CAMTA1: variants seen among roughly 807,000 people sequenced by gnomAD.
CAMTA1 encodes the protein calmodulin binding transcription activator 1, also known as calmodulin-binding transcription activator 1.
In CAMTA1, 27 loss-of-function variants were observed where a neutral mutation model predicts 170.9. The ratio of observed to expected loss-of-function variants is 0.16; its 90% confidence interval spans 0.12 to 0.22. The LOEUF (loss-of-function observed/expected upper bound fraction) is 0.22, where lower values mean the gene tolerates loss of function less well. Among genes scored for constraint, CAMTA1 ranks in the 10% least tolerant of loss-of-function variants. The pLI is 1.00. For missense variants in CAMTA1, 1,619 were observed against 2,217.2 expected, an observed-to-expected ratio of 0.73 and a Z score of 5.42; for synonymous variants, 833 against 891.5, an observed-to-expected ratio of 0.93 and a Z score of 1.17.
At chr1:7,257,082 C>T (rs61780030) in intron 5 of CAMTA1, among the ~76,000 whole-genome samples, 7 of 137,388 alleles carry the variant, frequency 5.1e-5, no homozygotes, top group East Asian at 2.1e-4. Context: ...ATGGCGGGGG[C>T]GGGGGTTGGT....
chr1:7,151,987 T>A (rs1306350531), intron 4 of CAMTA1, among the ~76,000 whole-genome samples: 1 of 152,198 alleles, frequency 6.6e-6, no homozygotes, highest in African/African-American at 2.4e-5. Context: ...ACTTTAAAAG[T>A]CCTGCTTCAT....
chr1:7,267,149 G>A (rs984142193), intron 5 of CAMTA1, among the ~76,000 whole-genome samples: 3 of 152,150 alleles, frequency 2.0e-5, no homozygotes, highest in Non-Finnish European at 4.4e-5. Context: ...AATGTTCTCC[G>A]AGGTTCCTTC....
At chr1:7,291,571 G>A (rs1209600043) in intron 5 of CAMTA1, among the ~76,000 whole-genome samples, 2 of 152,250 alleles carry the variant, frequency 1.3e-5, no homozygotes, top group African/African-American at 4.8e-5. Flanking sequence ...TGAATTAAGC[G>A]CTGCTGGGAG....
At chr1:7,357,221 G>A (rs1365011073) in intron 5 of CAMTA1, among the ~76,000 whole-genome samples, 2 of 152,286 alleles carry the variant, frequency 1.3e-5, no homozygotes, top group Admixed American at 6.5e-5. Flanking sequence ...GGGATGCCCC[G>A]CCCTCCCATT....
In CAMTA1 at chr1:7,207,564, G is replaced by A. The variant is rs147670337; in HGVS notation, c.303-41927G>A. The stretch of plus-strand genomic sequence containing the variant: ...AACTGAAAATTGACCTTGGAGCCCT[G>A]TCCCACCTCTAATGGGTGGATCTAG... On this transcript the variant is annotated intron_variant, in intron 4 of 22. Transcript: ENST00000303635. 3.9e-5 allele frequency among the ~76,000 whole-genome samples: 6 copies of A among 152,252 alleles called. No individual in the cohort carries two copies. The East Asian group carries it at 1.2e-3, about 29-fold the overall frequency.
chr1:6,834,250 AT>A (rs1289173092), intron 3 of CAMTA1: 1 of 147,030 alleles, frequency 6.8e-6, no homozygotes, highest in African/African-American at 2.5e-5. Context: ...TTAAAAATTT[AT>A]TTTTTAATTT....
chr1:7,542,838 A>AGTTTGTGTGTGTGTGTGTGT (rs745940570), intron 6 of CAMTA1, among the ~76,000 whole-genome samples: 1 of 56,002 alleles, frequency 1.8e-5, no homozygotes, highest in East Asian at 3.1e-4. Context: ...CCTAAAACAC[A>AGTTTGTGTGTGTGTGTGTGT]GTGTGTGTGT....
intron 5 of CAMTA1, among the ~76,000 whole-genome samples, chr1:7,339,076 G>A (rs372431456): frequency 2.0e-5 from 3 of 152,090 alleles, no homozygotes; most frequent in African/African-American, 4.8e-5. Context: ...GGGGAACTCC[G>A]CCCCCTCCCA....
At chr1:6,836,178 G>A (rs1305363153) in intron 3 of CAMTA1, among the ~76,000 whole-genome samples, 2 of 152,144 alleles carry the variant, frequency 1.3e-5, no homozygotes, top group East Asian at 3.8e-4. Flanking sequence ...AAGTTATTTT[G>A]AAGGTTTTAA....
At chr1:7,470,296 A>G (rs1177465825) in intron 6 of CAMTA1, among the ~76,000 whole-genome samples, 1 of 152,266 alleles carries the variant, frequency 6.6e-6, no homozygotes, top group East Asian at 1.9e-4. Context: ...CTCGGAGCCC[A>G]GAGCCTATGT....
chr1:7,438,209 G>C (rs1034721463), intron 5 of CAMTA1, among the ~76,000 whole-genome samples: 2 of 152,176 alleles, frequency 1.3e-5, no homozygotes, highest in Non-Finnish European at 2.9e-5. Context: ...AGGCAGCTGG[G>C]CAGGGCCTGG....
chr1:7,020,392 G>A (rs778113178), intron 3 of CAMTA1, among the ~76,000 whole-genome samples: 1 of 152,224 alleles, frequency 6.6e-6, no homozygotes, highest in Non-Finnish European at 1.5e-5. Flanking sequence ...TAGCCCAGGA[G>A]CCATAGGCTG....
rs957147489 is a variant in CAMTA1, at chr1:7,435,785, A to T, written c.439-32045A>T. ...TGAAGTCAGGGCAATCCACGCAGAGAGCCCTCCTCATGGCCCGGCTCAGGG... is the reference window on the plus strand; with the variant it reads ...TGAAGTCAGGGCAATCCACGCAGAGTGCCCTCCTCATGGCCCGGCTCAGGG... On this transcript the variant is annotated intron_variant, in intron 5 of 22. Coordinates refer to ENST00000303635, the MANE Select transcript of CAMTA1 (RefSeq NM_015215.4). The surrounding 1 kb of genome is among the most constrained non-coding windows in gnomAD (Gnocchi z 4.4). 6.6e-6 allele frequency among the ~76,000 whole-genome samples: 1 copy of T among 152,128 alleles called. No homozygotes were observed. The highest frequency in any genetic ancestry group is 1.5e-5 in the Non-Finnish European group (1 of 68,014).
chr1:7,142,065 A>T, intron 4 of CAMTA1: 1 of 517,690 alleles, frequency 1.9e-6, no homozygotes, highest in Non-Finnish European at 3.9e-6. Context: ...GCCCTTGCTA[A>T]GCTGCTTGGA....
chr1:7,608,765 C>T (rs961072366), intron 6 of CAMTA1, among the ~76,000 whole-genome samples: 1 of 152,216 alleles, frequency 6.6e-6, no homozygotes, highest in South Asian at 2.1e-4. Context: ...AAGTTATTGA[C>T]AATCTGTCAT....
chr1:7,297,591 A>G (rs916645098), intron 5 of CAMTA1, among the ~76,000 whole-genome samples: 2 of 152,240 alleles, frequency 1.3e-5, no homozygotes, highest in African/African-American at 4.8e-5. Context: ...AAGTACTCAC[A>G]GGGTACCTCC....
In CAMTA1 at chr1:7,680,842, A is replaced by ACGCG. The variant is rs1553247058; in HGVS notation, c.2914+3125_2914+3128dup. 0.058 allele frequency among the ~76,000 whole-genome samples: 7,955 copies of ACGCG among 138,118 alleles called. 296 individuals are homozygous for ACGCG. Among genetic ancestry groups the ACGCG allele is most frequent in the Non-Finnish European group, 0.079 (4,909 of 61,952 alleles). The allele number at this position is 138,118 out of a possible 152,430, so 90.6% of individuals were successfully genotyped here. A position where few individuals can be genotyped will look rare whatever the true frequency, so the allele number is the denominator to read the frequency against. ...GGCGTGGGTCCGGGGCGCAGAGAACACGCGCGCGCGCGCGCGCGCCAGCAG... is the reference window on the plus strand; with the variant it reads ...GGCGTGGGTCCGGGGCGCAGAGAACACGCGCGCGCGCGCGCGCGCGCGCCAGCAG... On this transcript the variant is annotated intron_variant, in intron 11 of 22. Transcript: ENST00000303635. This position sits in a 1 kb window ranked among gnomAD's most constrained non-coding sequence, Gnocchi z 4.4.
rs941894527 is a variant in CAMTA1, at chr1:7,680,711, C to G, written c.2914+2978C>G. Among the ~76,000 whole-genome samples, 1 of 151,976 alleles carries G rather than the reference C, an allele frequency of 6.6e-6. No homozygotes were observed. Among genetic ancestry groups the G allele is most frequent in the African/African-American group, 2.4e-5 (1 of 41,408 alleles). On this transcript the variant is annotated intron_variant, in intron 11 of 22. Transcript: ENST00000303635. The surrounding 1 kb of genome is among the most constrained non-coding windows in gnomAD (Gnocchi z 4.4). ...GCTGCATGTGGGATGCGCCCTTTGT[C>G]CCCTCTGCCATGCGCGGGGGAAAAT...
intron 6 of CAMTA1, among the ~76,000 whole-genome samples, chr1:7,512,137 T>C (rs549486619): frequency 1.6e-4 from 25 of 152,202 alleles, no homozygotes; most frequent in African/African-American, 5.8e-4. Context: ...ATTCTTTCAT[T>C]CATTTATTCA....
Sources: allele counts gnomAD v4.1 joint callset (sites outside exome capture counted in the v4.1 genomes callset), GRCh38; gene constraint gnomAD v4.1.1; non-coding constraint Gnocchi (gnomAD v3.1); transcripts MANE v1.5; gene names NCBI Gene and HGNC (gene_info 2026-07-23, HGNC 2026-07-21).